PRRC2B: variants seen among roughly 807,000 people sequenced by gnomAD.
PRRC2B encodes the protein proline rich coiled-coil 2B, also known as protein PRRC2B.
PRRC2B carries 68 observed loss-of-function variants against 242.3 expected under a neutral mutation model. That is an observed-to-expected ratio of 0.28 (90% CI 0.23 to 0.34). The LOEUF is 0.34. PRRC2B is among the 10% of genes least tolerant of loss of function. The pLI is 1.00. For synonymous variants in PRRC2B, 1,228 were observed against 1,173.6 expected, an observed-to-expected ratio of 1.05 and a Z score of -0.95; for missense variants, 2,835 against 2,954.8, an observed-to-expected ratio of 0.96 and a Z score of 0.94.
At chr9:131,422,601 T>C (rs1837874624) in intron 1 of PRRC2B, among the ~76,000 whole-genome samples, 1 of 152,090 alleles carries the variant, frequency 6.6e-6, no homozygotes. Context: ...GGCACTCAAG[T>C]GTGGAGTGAA....
intron 1 of PRRC2B, among the ~76,000 whole-genome samples, chr9:131,428,592 T>C (rs1040927486): frequency 2.0e-5 from 3 of 152,046 alleles, no homozygotes; most frequent in African/African-American, 7.2e-5. Context: ...AGATGGGGTT[T>C]CACCATGTTG....
At chr9:131,452,892 A>G (rs960548398) in intron 9 of PRRC2B, among the ~76,000 whole-genome samples, 1 of 152,222 alleles carries the variant, frequency 6.6e-6, no homozygotes, top group African/African-American at 2.4e-5. Flanking sequence ...TGAAAAGTAT[A>G]TATTCTACAG....
chr9:131,478,017 C>T, intron 17 of PRRC2B, 68 bp downstream of exon 17: 2 of 1,454,308 alleles, frequency 1.4e-6, no homozygotes, highest in South Asian at 1.2e-5. Flanking sequence ...GTCCTCGGGC[C>T]TCCCGAGTTT....
chr9:131,483,134 TG>T (rs1052116917), intron 22 of PRRC2B, among the ~76,000 whole-genome samples: 17 of 152,144 alleles, frequency 1.1e-4, no homozygotes, highest in Non-Finnish European at 2.2e-4. Flanking sequence ...TGATCTTCCC[TG>T]TTTCTGTCAG....
In PRRC2B at chr9:131,499,182, T is replaced by G. The variant is rs914867844; in HGVS notation, c.*3308T>G. 1.3e-5 allele frequency: 2 copies of G among 152,236 alleles called. No homozygotes were observed. The highest frequency in any genetic ancestry group is 6.5e-5 in the Admixed American group (1 of 15,282). The allele number at this position is 152,236 out of a possible 1,614,324, so 9.4% of individuals were successfully genotyped here. On this transcript the variant is annotated 3_prime_UTR_variant, in exon 32 of 32. Coordinates refer to ENST00000683519, the MANE Select transcript of PRRC2B (RefSeq NM_013318.4). ...TGACATCAGTGCTCTCCAGCCGTGCTGTCACCCTCCTATCTTCTGGATCTG... is the reference window on the plus strand; with the variant it reads ...TGACATCAGTGCTCTCCAGCCGTGCGGTCACCCTCCTATCTTCTGGATCTG...
chr9:131,424,276 A>C (rs931990200), intron 1 of PRRC2B, among the ~76,000 whole-genome samples: 1 of 152,152 alleles, frequency 6.6e-6, no homozygotes, highest in African/African-American at 2.4e-5. Flanking sequence ...TCAGTTGTCA[A>C]CATTGATGGG....
chr9:131,420,503 T>TCTTTCTTTCTTTCTTTCTTTC (rs1465337298), intron 1 of PRRC2B, among the ~76,000 whole-genome samples: 1 of 93,814 alleles, frequency 1.1e-5, no homozygotes, highest in African/African-American at 4.3e-5. Flanking sequence ...CTTTTTTTTT[T>TCTTTCTTTCTTTCTTTCTTTC]TTTTTTTGAG....
At chr9:131,404,069 C>T (rs1465609312) in intron 1 of PRRC2B, among the ~76,000 whole-genome samples, 1 of 152,096 alleles carries the variant, frequency 6.6e-6, no homozygotes, top group Admixed American at 6.6e-5. Flanking sequence ...GTGTAAGCCA[C>T]CACACCCAGC....
intron 22 of PRRC2B, 134 bp from the exon 23 acceptor site, chr9:131,483,225 C>T (rs1943921815): frequency 7.0e-6 from 6 of 853,432 alleles, no homozygotes; most frequent in Non-Finnish European, 9.4e-6. Context: ...CCATCTCGCT[C>T]ATATGTGGCT....
chr9:131,403,394 C>T (rs1194892224), intron 1 of PRRC2B, among the ~76,000 whole-genome samples: 1 of 151,688 alleles, frequency 6.6e-6, no homozygotes, highest in East Asian at 1.9e-4. Context: ...CTCTGTTGCC[C>T]AGGCCGGAGT....
intron 8 of PRRC2B, 140 bp downstream of exon 8, chr9:131,447,346 T>TG: frequency 4.6e-6 from 5 of 1,076,342 alleles, no homozygotes; most frequent in Non-Finnish European, 6.6e-6. Context: ...GCAGGGTGTG[T>TG]GGGGTGGTGG....
chr9:131,477,973 G>A (rs775630524), intron 17 of PRRC2B, 24 bp downstream of exon 17: 2 of 1,604,732 alleles, frequency 1.2e-6, no homozygotes, highest in Non-Finnish European at 1.7e-6. Context: ...ATATCTTCAG[G>A]GGAAAGAACT....
intron 26 of PRRC2B, 103 bp downstream of exon 26, chr9:131,486,285 C>T: frequency 1.1e-6 from 1 of 916,896 alleles, no homozygotes; most frequent in Non-Finnish European, 1.7e-6. Context: ...GTCTGGTTTT[C>T]CATCCCCCTC....
intron 1 of PRRC2B, among the ~76,000 whole-genome samples, chr9:131,398,074 C>A (rs943641733): frequency 6.6e-6 from 1 of 152,084 alleles, no homozygotes; most frequent in Non-Finnish European, 1.5e-5. Flanking sequence ...GAGATGGGAG[C>A]GACATGGGAT....
At chr9:131,391,027 T>A (rs568645750), upstream of PRRC2B, among the ~76,000 whole-genome samples, 1 of 150,724 alleles carries the variant, frequency 6.6e-6, no homozygotes, top group South Asian at 2.1e-4. Context: ...CCAAGTGATC[T>A]GCCCACCTCA....
Position 131,446,602 on chromosome 9 carries a change from T to C in PRRC2B, c.815T>C (p.Val272Ala). The C allele has an allele frequency of 1.9e-6, 3 of 1,614,024 alleles. No homozygotes were observed. The South Asian group carries it at 3.3e-5, about 18-fold the overall frequency. Reference sequence around the variant, plus strand: ...GGGGCTTCACAGTTCATGGGAAATGTATACCACCCACCTACATACCATGAC... The same window carrying C: ...GGGGCTTCACAGTTCATGGGAAATGCATACCACCCACCTACATACCATGAC... ...RKGASQFMGN[V>A]YHPPTYHDML... The change falls in exon 7 of 32, where the codon GTA becomes GCA. Residue 272 changes from valine (V) to alanine (A), a missense_variant. Coordinates refer to ENST00000683519, the MANE Select transcript of PRRC2B (RefSeq NM_013318.4). This position sits in a 1 kb window ranked among gnomAD's most constrained non-coding sequence, Gnocchi z 4.1.
In PRRC2B at chr9:131,385,439, C is replaced by T. The variant is rs1451997560; in HGVS notation, c.-56+11708C>T. Among the ~76,000 whole-genome samples, 12 of 150,204 alleles carry T rather than the reference C, an allele frequency of 8.0e-5. 1 individual carries two copies. The highest frequency in any genetic ancestry group is 2.9e-4 in the African/African-American group (12 of 41,236). The stretch of plus-strand genomic sequence containing the variant: ...GGCAGCCTCAGACCACAGACAGCAG[C>T]TGCCACAGCTGGCCCAGCACATCAG... On this transcript the variant is annotated intron_variant, in intron 1 of 1. Transcript: ENST00000682525.
intron 29 of PRRC2B, among the ~76,000 whole-genome samples, chr9:131,491,931 C>CT (rs11428588): frequency 0.017 from 2,604 of 152,340 alleles, 104 homozygotes; most frequent in Admixed American, 0.081. Flanking sequence ...AGGGAAAGGG[C>CT]TTGCAGATTT....
intron 6 of PRRC2B, among the ~76,000 whole-genome samples, chr9:131,444,845 G>T (rs986132484): frequency 5.9e-5 from 9 of 152,204 alleles, no homozygotes; most frequent in Non-Finnish European, 1.0e-4. Context: ...TCGGGCCAGG[G>T]AAGTGGCAGG....
Sources: gnomAD v4.1 joint callset for allele counts (sites outside exome capture counted in the v4.1 genomes callset) on GRCh38, gnomAD v4.1.1 for gene constraint, Gnocchi (gnomAD v3.1) non-coding constraint, MANE v1.5 for transcripts, NCBI Gene and HGNC (gene_info 2026-07-23, HGNC 2026-07-21) for gene names.